NAALADL2: variants seen among roughly 807,000 people sequenced by gnomAD.
The protein encoded by NAALADL2 is N-acetylated alpha-linked acidic dipeptidase like 2.
In NAALADL2, 76 loss-of-function variants were observed where a neutral mutation model predicts 87.2. The observed-to-expected ratio is 0.87, with a 90% CI of 0.72 to 1.05. NAALADL2 has a LOEUF of 1.05. Ranked by LOEUF, NAALADL2 falls within the 50% of genes least tolerant of loss-of-function variation. NAALADL2 has a pLI of 0.00. For synonymous variants in NAALADL2, 354 were observed against 331.0 expected (o/e 1.07, Z -0.75); for missense variants, 1,089 against 945.8 (o/e 1.15, Z -1.99).
intron 1 of NAALADL2, among the ~76,000 whole-genome samples, chr3:174,463,792 C>G (rs1185368567): frequency 1.3e-5 from 2 of 151,736 alleles, no homozygotes; most frequent in Admixed American, 1.3e-4. Flanking sequence ...AGTAGAGACG[C>G]GATTTCACCG....
intron 1 of NAALADL2, among the ~76,000 whole-genome samples, chr3:175,028,086 G>A (rs1299214480): frequency 1.3e-5 from 2 of 151,946 alleles, no homozygotes; most frequent in East Asian, 1.9e-4. Flanking sequence ...AAGGAGAACA[G>A]CTATCCCTTA....
At chr3:175,174,473 A>G (rs1175882366) in intron 2 of NAALADL2, among the ~76,000 whole-genome samples, 1 of 152,100 alleles carries the variant, frequency 6.6e-6, no homozygotes, top group Non-Finnish European at 1.5e-5. Flanking sequence ...TATTGCCCTC[A>G]GTATTTTATA....
intron 4 of NAALADL2, among the ~76,000 whole-genome samples, chr3:175,267,943 C>T (rs1158770829): frequency 1.3e-5 from 2 of 152,128 alleles, no homozygotes; most frequent in Non-Finnish European, 2.9e-5. Context: ...TATCACCTAG[C>T]CTTTAGTAAA....
chr3:174,695,945 T>C (rs1728974675), intron 2 of NAALADL2, among the ~76,000 whole-genome samples: 1 of 152,040 alleles, frequency 6.6e-6, no homozygotes, highest in South Asian at 2.1e-4. Context: ...TGACATTCAG[T>C]GATCCTGGTC....
intron 1 of NAALADL2, among the ~76,000 whole-genome samples, chr3:174,984,418 A>G (rs530771128): frequency 6.7e-6 from 1 of 148,604 alleles, no homozygotes; most frequent in East Asian, 2.0e-4. Flanking sequence ...AGCTTGTTTA[A>G]TTTTTTTTTT....
chr3:175,253,836 A>G (rs1749478556), intron 3 of NAALADL2, among the ~76,000 whole-genome samples: 1 of 152,190 alleles, frequency 6.6e-6, no homozygotes, highest in South Asian at 2.1e-4. Flanking sequence ...GGAAATAGCA[A>G]GGAAACTAGA....
At chr3:174,455,244 CCAAA>C (rs1392811944) in intron 1 of NAALADL2, among the ~76,000 whole-genome samples, 2 of 152,042 alleles carry the variant, frequency 1.3e-5, no homozygotes, top group African/African-American at 4.8e-5. Context: ...AAGTAGCCTA[CCAAA>C]CAAACAAAAA....
intron 1 of NAALADL2, among the ~76,000 whole-genome samples, chr3:175,013,301 A>ATTTTTTTTTTT (rs753716843): frequency 1.4e-5 from 1 of 72,070 alleles, no homozygotes; most frequent in Non-Finnish European, 2.4e-5. Flanking sequence ...ATATATATAT[A>ATTTTTTTTTTT]TTTTTTTTTT....
chr3:174,948,755 T>C (rs1396471930), intron 1 of NAALADL2, among the ~76,000 whole-genome samples: 3 of 152,158 alleles, frequency 2.0e-5, no homozygotes, highest in Non-Finnish European at 4.4e-5. Context: ...TCTAGGGCTG[T>C]CTGCACTGAT....
At chr3:174,838,021 GAAAAAAAAA>G (rs77681462) in intron 3 of NAALADL2, among the ~76,000 whole-genome samples, 1 of 71,944 alleles carries the variant, frequency 1.4e-5, no homozygotes, top group African/African-American at 4.8e-5. Flanking sequence ...AACCAAAAAA[GAAAAAAAAA>G]AAAAAAGAAA....
At chr3:175,154,406 G>A (rs1003083349) in intron 2 of NAALADL2, among the ~76,000 whole-genome samples, 5 of 152,102 alleles carry the variant, frequency 3.3e-5, no homozygotes, top group African/African-American at 1.2e-4. Flanking sequence ...AGATTTTAAA[G>A]AACAGATTAT....
At chr3:174,466,020 T>C (rs960943279) in intron 1 of NAALADL2, among the ~76,000 whole-genome samples, 1 of 152,206 alleles carries the variant, frequency 6.6e-6, no homozygotes, top group African/African-American at 2.4e-5. Flanking sequence ...TAGTCCAGAC[T>C]GTCAAAGTGG....
chr3:175,452,045 T>C (rs1721653023), intron 6 of NAALADL2, among the ~76,000 whole-genome samples: 1 of 152,194 alleles, frequency 6.6e-6, no homozygotes, highest in South Asian at 2.1e-4. Context: ...CAAATATTTA[T>C]TGGCAAATGG....
At chr3:174,954,158 A>G (rs1424917264) in intron 1 of NAALADL2, among the ~76,000 whole-genome samples, 1 of 152,104 alleles carries the variant, frequency 6.6e-6, no homozygotes, top group Non-Finnish European at 1.5e-5. Flanking sequence ...CTAATCAGGC[A>G]ACTTGAATAC....
chr3:174,607,019 C>G (rs1193396024), intron 2 of NAALADL2, among the ~76,000 whole-genome samples: 2 of 152,112 alleles, frequency 1.3e-5, no homozygotes, highest in Non-Finnish European at 2.9e-5. Flanking sequence ...ACTCAACATT[C>G]TTAAAGAAAA....
At chr3:175,321,972 A>G (rs968273707) in intron 4 of NAALADL2, among the ~76,000 whole-genome samples, 6 of 151,856 alleles carry the variant, frequency 4.0e-5, no homozygotes, top group African/African-American at 1.2e-4. Context: ...TTCTTCACAG[A>G]ACTGGAAAAA....
chr3:174,630,218 A>G lies in NAALADL2; in HGVS notation c.-115+79581A>G, dbSNP rs1721976528. ...TAAAGCATGATTTTCATTATTTATCATTTTTTGACTTTCTTTGAAGTCACT... is the reference window on the plus strand; with the variant it reads ...TAAAGCATGATTTTCATTATTTATCGTTTTTTGACTTTCTTTGAAGTCACT... On this transcript the variant is annotated intron_variant, in intron 2 of 3. Coordinates refer to the NAALADL2 transcript ENST00000434257. 4.6e-5 allele frequency among the ~76,000 whole-genome samples: 7 copies of G among 152,156 alleles called. No individual in the cohort carries two copies. The South Asian group carries it at 1.5e-3, about 32-fold the overall frequency.
intron 5 of NAALADL2, among the ~76,000 whole-genome samples, chr3:175,446,432 G>A (rs770516600): frequency 2.6e-5 from 4 of 152,032 alleles, no homozygotes; most frequent in African/African-American, 7.3e-5. Context: ...ATTATGCACG[G>A]GGTTTCACCT....
At chr3:175,374,701 C>T (rs1766932101) in intron 5 of NAALADL2, among the ~76,000 whole-genome samples, 3 of 150,388 alleles carry the variant, frequency 2.0e-5, no homozygotes, top group Non-Finnish European at 4.4e-5. Context: ...GGAGAAAACT[C>T]ATCTCTGCAG....
Sources: allele counts gnomAD v4.1 joint callset (sites outside exome capture counted in the v4.1 genomes callset), GRCh38; gene constraint gnomAD v4.1.1; transcripts MANE v1.5; gene names NCBI Gene and HGNC (gene_info 2026-07-23, HGNC 2026-07-21).